EPS8L2: variants seen among roughly 807,000 people sequenced by gnomAD.
EPS8L2 encodes EPS8 signaling adaptor L2.
In EPS8L2, 81 loss-of-function variants were observed where a neutral mutation model predicts 99.4. That is an observed-to-expected ratio of 0.82 (90% CI 0.68 to 0.98). The LOEUF (loss-of-function observed/expected upper bound fraction) is 0.98. Ranked by LOEUF, EPS8L2 falls within the 50% of genes least tolerant of loss-of-function variation. EPS8L2 has a pLI of 0.00. For synonymous variants in EPS8L2, 509 were observed against 407.3 expected, an observed-to-expected ratio of 1.25 and a Z score of -3.01; for missense variants, 1,155 against 968.8, an observed-to-expected ratio of 1.19 and a Z score of -2.55.
Position 723,360 on chromosome 11 carries a change from C to T in EPS8L2, c.1454+7C>T, listed in dbSNP as rs1168211028. 1.4e-5 allele frequency: 19 copies of T among 1,346,038 alleles called. No homozygotes were observed. Among genetic ancestry groups the T allele is most frequent in the Non-Finnish European group, 1.8e-5 (18 of 975,732 alleles). The allele number at this position is 1,346,038 out of a possible 1,614,324, so 83.4% of individuals were successfully genotyped here. The stretch of plus-strand genomic sequence containing the variant: ...GCTCCCCACATACTCACAGGTAAGC[C>T]CCCCTCAAAGTGAGGGAGCATGAAA... On this transcript the variant is annotated splice_region_variant and intron_variant, in intron 15 of 20. Transcript: ENST00000318562.
At position 724,068 on chromosome 11, in the gene EPS8L2, C is replaced by G. The variant is rs976237913; in HGVS notation, c.1455-656C>G. Among the ~76,000 whole-genome samples the G allele has an allele frequency of 2.6e-5, 4 of 152,202 alleles. No homozygotes were observed. Among genetic ancestry groups the G allele is most frequent in the African/African-American group, 9.6e-5 (4 of 41,462 alleles). On this transcript the variant is annotated intron_variant, in intron 15 of 20. Transcript: ENST00000318562. The surrounding 1 kb of genome is among the most constrained non-coding windows in gnomAD (Gnocchi z 5.5). ...GACTTCAGCTCCTGGTCTGTCCACCCTGGCCATGTCCTGACAGTCCATGGC... is the reference window on the plus strand; with the variant it reads ...GACTTCAGCTCCTGGTCTGTCCACCGTGGCCATGTCCTGACAGTCCATGGC...
rs2133537778 is a variant in EPS8L2, at chr11:724,901, G to A, written c.1560+72G>A. The A allele has an allele frequency of 8.5e-7, 1 of 1,175,960 alleles. No homozygotes were observed. The allele number at this position is 1,175,960 out of a possible 1,614,324, so 72.8% of individuals were successfully genotyped here. On this transcript the variant is annotated intron_variant, in intron 16 of 20. Transcript: ENST00000318562. The surrounding 1 kb of genome is among the most constrained non-coding windows in gnomAD (Gnocchi z 5.5). ...CTTCAAGGGAGGGGCTACCAGGGGA[G>A]GTGGGGAGCGGTCTAGGGCCAGGCT... is the stretch of plus-strand genomic sequence containing the variant.
chr11:713,797 C>T (rs1414330332), intron 4 of EPS8L2, among the ~76,000 whole-genome samples: 3 of 152,190 alleles, frequency 2.0e-5, no homozygotes, highest in Non-Finnish European at 4.4e-5. Flanking sequence ...CCACCCACCT[C>T]AGCCTCCCAA....
chr11:721,277 C>A lies in EPS8L2; in HGVS notation c.701-8C>A, dbSNP rs1235944053. The stretch of plus-strand genomic sequence containing the variant: ...GGCTCGGTGAGCAGCCGCCGTGTCC[C>A]CCATCAGGTTTCCGCCGTCGGGAGT... On this transcript the variant is annotated splice_polypyrimidine_tract_variant and splice_region_variant and intron_variant, in intron 8 of 20. Transcript: ENST00000318562. 1.3e-6 allele frequency: 2 copies of A among 1,540,246 alleles called. No homozygotes were observed. Among genetic ancestry groups the A allele is most frequent in the South Asian group, 2.4e-5 (2 of 83,886 alleles).
intron 4 of EPS8L2, among the ~76,000 whole-genome samples, chr11:711,222 G>T (rs1861879639): frequency 6.6e-6 from 1 of 151,860 alleles, no homozygotes. Context: ...CTCAGGAAAT[G>T]TTTTTTTGGG....
chr11:713,312 T>G (rs1169336872), intron 4 of EPS8L2, among the ~76,000 whole-genome samples: 1 of 152,224 alleles, frequency 6.6e-6, no homozygotes, highest in Non-Finnish European at 1.5e-5. Context: ...ACTCCAAACC[T>G]GTGAATCCCC....
At chr11:711,752 G>A (rs1332121350) in intron 4 of EPS8L2, among the ~76,000 whole-genome samples, 1 of 152,126 alleles carries the variant, frequency 6.6e-6, no homozygotes, top group Non-Finnish European at 1.5e-5. Context: ...GGGAGGCTGA[G>A]GTGAGTGGAT....
intron 4 of EPS8L2, among the ~76,000 whole-genome samples, chr11:715,620 T>G (rs1249400629): frequency 7.7e-5 from 9 of 116,704 alleles, no homozygotes; most frequent in South Asian, 2.5e-4. Flanking sequence ...TTTCTTTTGT[T>G]TTTTTTTTTT....
In EPS8L2 at chr11:727,110, G is replaced by A. The variant is rs917851974; in HGVS notation, c.*129G>A. ...GGTGTGGTGCTGGCTAGAGGTCCCT[G>A]CCCCTGTCTGGAGGCACAACGCCCA... On this transcript the variant is annotated 3_prime_UTR_variant, in exon 21 of 21. Transcript: ENST00000318562. 11 of 689,400 alleles carry A rather than the reference G, an allele frequency of 1.6e-5. No individual in the cohort carries two copies. Among genetic ancestry groups the A allele is most frequent in the Admixed American group, 5.3e-5 (2 of 38,002 alleles). The allele number at this position is 689,400 out of a possible 1,614,324, so 42.7% of individuals were successfully genotyped here.
At chr11:707,956 C>T (rs962588020) in intron 1 of EPS8L2, among the ~76,000 whole-genome samples, 5 of 152,178 alleles carry the variant, frequency 3.3e-5, no homozygotes, top group Admixed American at 2.6e-4. Context: ...AGACATTCTC[C>T]ACGGATAGAT....
intron 4 of EPS8L2, 149 bp downstream of exon 4, chr11:710,635 G>A: frequency 1.3e-6 from 1 of 789,948 alleles, no homozygotes; most frequent in Non-Finnish European, 2.1e-6. Context: ...AGGCTGAGGC[G>A]AGGGGGTCAC....
intron 7 of EPS8L2, 55 bp from the exon 8 acceptor site, chr11:721,009 A>AGGGGAGGAGCCGGCCGGGGAG (rs1376795330): frequency 1.1e-6 from 1 of 873,910 alleles, no homozygotes; most frequent in Non-Finnish European, 1.5e-6. Flanking sequence ...CCCGGCAGGG[A>AGGGGAGGAGCCGGCCGGGGAG]GGGAGGGTCA....
chr11:707,875 C>A (rs1041634661), intron 1 of EPS8L2, among the ~76,000 whole-genome samples: 27 of 152,254 alleles, frequency 1.8e-4, no homozygotes, highest in African/African-American at 6.0e-4. Context: ...GTGCCTGGCG[C>A]CCTTGGTGGA....
rs959180926 is a variant in EPS8L2 at position 709,563 on chromosome 11, G to A, written c.55G>A (p.Gly19Ser). The A allele has an allele frequency of 8.1e-6, 13 of 1,612,938 alleles. No individual in the cohort carries two copies. Among genetic ancestry groups the A allele is most frequent in the Admixed American group, 1.7e-5 (1 of 59,978 alleles). Residue 19 changes from glycine (G) to serine (S), a missense_variant, in exon 3 of 21, where the codon GGC becomes AGC. Coordinates refer to ENST00000318562, the MANE Select transcript of EPS8L2 (RefSeq NM_022772.4). The stretch of plus-strand genomic sequence containing the variant: ...GCCCCTCCCCTGCAGTGGCAGCCTG[G>A]GCCGGTCCGACGGTGTGGCCAAGAT... ...CCPGATNGSL[G>S]RSDGVAKMSP...
intron 4 of EPS8L2, 103 bp from the exon 5 acceptor site, chr11:719,959 G>C: frequency 8.4e-7 from 1 of 1,187,276 alleles, no homozygotes. Context: ...CCCCTACCCA[G>C]GGTTGGCTGT....
At chr11:714,023 G>C (rs1205870781) in intron 4 of EPS8L2, among the ~76,000 whole-genome samples, 4 of 152,188 alleles carry the variant, frequency 2.6e-5, no homozygotes, top group South Asian at 4.1e-4. Context: ...GAGTCACTGC[G>C]TCCGGCCTCC....
At chr11:715,053 T>A (rs113706806) in intron 4 of EPS8L2, among the ~76,000 whole-genome samples, 1 of 152,006 alleles carries the variant, frequency 6.6e-6, no homozygotes, top group Non-Finnish European at 1.5e-5. Context: ...CCATTCTGGC[T>A]AACATGGTGA....
At position 721,828 on chromosome 11, in the gene EPS8L2, G is replaced by C. The variant is rs1862184736; in HGVS notation, c.896-75G>C. 3 of 1,518,540 alleles carry C rather than the reference G, an allele frequency of 2.0e-6. No individual in the cohort carries two copies. In the African/African-American group the frequency reaches 4.1e-5, roughly 21 times the overall value. The allele number at this position is 1,518,540 out of a possible 1,614,324, so 94.1% of individuals were successfully genotyped here. ...GAGGAAGGTCCAGCCCACACAGATG[G>C]GCTGCGTGGGACAGAAGGCGCAGGG... On this transcript the variant is annotated intron_variant, in intron 10 of 20. Coordinates refer to ENST00000318562, the MANE Select transcript of EPS8L2 (RefSeq NM_022772.4).
intron 4 of EPS8L2, among the ~76,000 whole-genome samples, chr11:713,640 G>C (rs552009408): frequency 2.8e-4 from 43 of 152,330 alleles, no homozygotes; most frequent in Admixed American, 1.4e-3. Context: ...CGCCTCAAGG[G>C]TTCAAGTGAT....
Sources: allele counts gnomAD v4.1 joint callset (sites outside exome capture counted in the v4.1 genomes callset), GRCh38; gene constraint gnomAD v4.1.1; non-coding constraint Gnocchi (gnomAD v3.1); transcripts MANE v1.5; gene names NCBI Gene and HGNC (gene_info 2026-07-23, HGNC 2026-07-21).